The following CROCC variants were observed in gnomAD, a reference collection of about 807,000 sequenced individuals.
CROCC encodes the protein rootletin.
A neutral mutation model predicts 245.2 loss-of-function variants in CROCC; 180 were observed. The observed-to-expected ratio is 0.73, with a 90% CI of 0.65 to 0.83. The LOEUF is 0.83. CROCC is among the 40% of genes least tolerant of loss of function. The pLI is 0.00. For missense variants in CROCC, 2,688 were observed against 2,779.4 expected (o/e 0.97, Z 0.74); for synonymous variants, 1,205 against 1,241.6 (o/e 0.97, Z 0.62).
At chr1:16,927,633 G>C (rs1284613278) in intron 3 of CROCC, among the ~76,000 whole-genome samples, 6 of 152,276 alleles carry the variant, frequency 3.9e-5, no homozygotes, top group African/African-American at 9.6e-5. Flanking sequence ...TACACACACA[G>C]TGTCCTGCGT....
chr1:16,966,100 G>C lies in CROCC; in HGVS notation c.4677G>C (p.Ala1559=), dbSNP rs570681947. 1.1e-5 allele frequency: 18 copies of C among 1,612,778 alleles called. No individual in the cohort carries two copies. In the Admixed American group the frequency reaches 2.3e-4, roughly 21 times the overall value. ...CGAGGGCCAGGCAGCTGCAGAAGGCGGTGGCTGAGAGTGAGGAAGGTGAGT... is the reference window on the plus strand; with the variant it reads ...CGAGGGCCAGGCAGCTGCAGAAGGCCGTGGCTGAGAGTGAGGAAGGTGAGT... ...ATSRARQLQK[A]VAESEEARRS... is the part of the protein sequence containing the mutation. Residue 1559 remains alanine (A), a synonymous_variant, in exon 29 of 37, where the codon GCG becomes GCC. Coordinates refer to ENST00000375541, the MANE Select transcript of CROCC (RefSeq NM_014675.5). This position sits in a 1 kb window ranked among gnomAD's most constrained non-coding sequence, Gnocchi z 4.8.
chr1:16,933,619 T>C (rs1334015449), intron 8 of CROCC, among the ~76,000 whole-genome samples: 1 of 152,196 alleles, frequency 6.6e-6, no homozygotes, highest in Non-Finnish European at 1.5e-5. Flanking sequence ...CAGGCTGGAG[T>C]GAAGTGGCAC....
At chr1:16,918,192 C>T (rs1188562515), upstream of CROCC, among the ~76,000 whole-genome samples, 1 of 149,516 alleles carries the variant, frequency 6.7e-6, no homozygotes, top group Non-Finnish European at 1.5e-5. Context: ...GAAGTGAAGA[C>T]ACTGGTGCAG....
intron 25 of CROCC, among the ~76,000 whole-genome samples, chr1:16,957,086 A>T (rs894979265): frequency 6.6e-6 from 1 of 152,178 alleles, no homozygotes; most frequent in Non-Finnish European, 1.5e-5. Context: ...AGCCTGGGTA[A>T]CATGGTGAAA....
chr1:16,946,731 C>A, intron 16 of CROCC, 30 bp from the exon 17 acceptor site: 2 of 1,545,682 alleles, frequency 1.3e-6, no homozygotes, highest in South Asian at 2.4e-5. Flanking sequence ...ACGCCCTGCT[C>A]ACGAGGCCCC....
At chr1:16,926,405 C>T (rs1439839225) in intron 3 of CROCC, among the ~76,000 whole-genome samples, 2 of 152,260 alleles carry the variant, frequency 1.3e-5, no homozygotes, top group Non-Finnish European at 1.5e-5. Flanking sequence ...GGGCAACATT[C>T]TCTTTCCCTG....
At chr1:16,927,237 C>T (rs1407860991) in intron 3 of CROCC, among the ~76,000 whole-genome samples, 1 of 152,248 alleles carries the variant, frequency 6.6e-6, no homozygotes, top group African/African-American at 2.4e-5. Context: ...GCCACACAAC[C>T]CCACACAGGC....
intron 8 of CROCC, among the ~76,000 whole-genome samples, chr1:16,935,522 G>A (rs1308075237): frequency 1.3e-5 from 2 of 152,264 alleles, no homozygotes; most frequent in Non-Finnish European, 2.9e-5. Flanking sequence ...CTGGGTTCAC[G>A]CCATTCTCCT....
At chr1:16,922,622 G>A (rs763534648) in intron 1 of CROCC, 41 bp from the exon 2 acceptor site, 15 of 1,556,348 alleles carry the variant, frequency 9.6e-6, no homozygotes, top group Admixed American at 3.9e-5. Flanking sequence ...AGGGAGCCCC[G>A]GGTCCCATGT....
At position 16,954,278 on chromosome 1, in the gene CROCC, C is replaced by T; in HGVS notation, c.3242C>T (p.Thr1081Ile). 1 of 1,611,956 alleles carries T rather than the reference C, an allele frequency of 6.2e-7. No individual in the cohort carries two copies. Among genetic ancestry groups the T allele is most frequent in the Admixed American group, 1.7e-5 (1 of 60,018 alleles). Residue 1081 changes from threonine (T) to isoleucine (I), a missense_variant, in exon 22 of 37, where the codon ACA (threonine) becomes ATA (isoleucine). Physicochemically the swap from Thr to Ile is moderately conservative, Grantham distance 89. This residue lies in a region of CROCC where 32 missense variants were observed against 54.1 expected (regional missense o/e 0.59). Transcript: ENST00000375541. The surrounding 1 kb of genome is among the most constrained non-coding windows in gnomAD (Gnocchi z 4.4). ...KTALSEKLMG[T>I]RHSLATISLE... ...GCGCTGTCAGAGAAGTTGATGGGTA[C>T]ACGGCACAGCCTGGCCACCATCTCC...
At chr1:16,960,232 C>G (rs929868064) in intron 26 of CROCC, among the ~76,000 whole-genome samples, 4 of 152,158 alleles carry the variant, frequency 2.6e-5, no homozygotes, top group African/African-American at 7.2e-5. Context: ...CCCCACTGCA[C>G]TCCAGCCTGG....
intron 2 of CROCC, among the ~76,000 whole-genome samples, 155 bp from the exon 3 acceptor site, chr1:16,924,170 C>T (rs1267604015): frequency 6.6e-6 from 1 of 152,274 alleles, no homozygotes; most frequent in Admixed American, 6.5e-5. Flanking sequence ...CCTTGCCTTC[C>T]TCCCTGTTCT....
At chr1:16,917,379 G>A (rs1254452079), upstream of CROCC, among the ~76,000 whole-genome samples, 58 of 152,380 alleles carry the variant, frequency 3.8e-4, no homozygotes, top group Admixed American at 3.7e-3. Context: ...GCAGCAGGAG[G>A]ATAACGAAGG....
Position 16,960,750 on chromosome 1 carries a change from C to A in CROCC, c.4033-8C>A. On this transcript the variant is annotated splice_region_variant and splice_polypyrimidine_tract_variant and intron_variant, in intron 26 of 36. Coordinates refer to ENST00000375541, the MANE Select transcript of CROCC (RefSeq NM_014675.5). ...CTTGCCGACCTCCACCTCCTGGCAT[C>A]ACTCCAGCTCCAGGTAGCCCAGCGG... 6.6e-7 allele frequency: 1 copy of A among 1,508,280 alleles called. No homozygotes were observed. The allele number at this position is 1,508,280 out of a possible 1,614,324, so 93.4% of individuals were successfully genotyped here.
At chr1:16,933,839 C>T (rs576264977) in intron 8 of CROCC, among the ~76,000 whole-genome samples, 568 of 152,216 alleles carry the variant, frequency 3.7e-3, no homozygotes, top group African/African-American at 0.013. Flanking sequence ...GATTACAGGC[C>T]CAAGCCACTG....
intron 27 of CROCC, among the ~76,000 whole-genome samples, chr1:16,964,634 C>T (rs55709923): frequency 2.0e-5 from 3 of 152,034 alleles, no homozygotes; most frequent in Non-Finnish European, 2.9e-5. Context: ...CTGCCCACCT[C>T]GGCATCCCAA....
At chr1:16,949,007 G>A in intron 19 of CROCC, 81 bp downstream of exon 19, 7 of 1,552,088 alleles carry the variant, frequency 4.5e-6, no homozygotes, top group Non-Finnish European at 4.4e-6. Context: ...TCTCACAGAA[G>A]TTGGGAGCAC....
At chr1:16,944,361 T>A in intron 14 of CROCC, 79 bp downstream of exon 14, 8 of 1,399,340 alleles carry the variant, frequency 5.7e-6, no homozygotes, top group Non-Finnish European at 7.6e-6. Flanking sequence ...TGGGGTTAGG[T>A]GACACCCACT....
In CROCC at chr1:16,945,574, G is replaced by A. The variant is rs873967; in HGVS notation, c.2104G>A (p.Glu702Lys). ...ATLQRDMLQA[E>K]KAEVAEALTK... The stretch of plus-strand genomic sequence containing the variant: ...ACTGCAACGGGACATGCTGCAGGCC[G>A]AGAAGGCCGAGGTGGCCGAGGCGCT... The change falls in exon 15 of 37, where the codon GAG (glutamate) becomes AAG (lysine). Residue 702 changes from glutamate (E) to lysine (K), a missense_variant. Glu to Lys is a moderately conservative substitution (Grantham distance 56, BLOSUM62 1). Coordinates refer to ENST00000375541, the MANE Select transcript of CROCC (RefSeq NM_014675.5). 4.3e-6 allele frequency: 7 copies of A among 1,612,456 alleles called. No individual in the cohort carries two copies. The highest frequency in any genetic ancestry group is 2.2e-5 in the East Asian group (1 of 44,898).
Sources: gnomAD v4.1 joint callset for allele counts (sites outside exome capture counted in the v4.1 genomes callset) on GRCh38, gnomAD v4.1.1 for gene constraint, gnomAD v4.1.1 regional missense constraint, Gnocchi (gnomAD v3.1) non-coding constraint, MANE v1.5 for transcripts, NCBI Gene and HGNC (gene_info 2026-07-23, HGNC 2026-07-21) for gene names.